Variants in RIMS2 observed in about 807,000 individuals in gnomAD.
RIMS2 encodes the protein regulating synaptic membrane exocytosis 2.
Under a neutral mutation model 174.4 loss-of-function variants are expected in RIMS2, and 59 were observed. The ratio of observed to expected loss-of-function variants is 0.34; its 90% confidence interval spans 0.27 to 0.42. The LOEUF (loss-of-function observed/expected upper bound fraction) is 0.42, where lower values mean the gene tolerates loss of function less well. Among genes scored for constraint, RIMS2 ranks in the 10% least tolerant of loss-of-function variants. RIMS2 has a pLI of 1.00. For missense variants in RIMS2, 1,620 were observed against 1,666.3 expected (o/e 0.97, Z 0.48); for synonymous variants, 606 against 572.5 (o/e 1.06, Z -0.84).
intron 1 of RIMS2, among the ~76,000 whole-genome samples, chr8:103,563,591 C>G (rs574749137): frequency 1.3e-4 from 20 of 152,242 alleles, no homozygotes; most frequent in African/African-American, 4.8e-4. Flanking sequence ...TCTTTCTTCT[C>G]CTGAGCCCTC....
At chr8:103,653,267 C>T (rs2096482950) in intron 1 of RIMS2, among the ~76,000 whole-genome samples, 1 of 152,146 alleles carries the variant, frequency 6.6e-6, no homozygotes, top group Non-Finnish European at 1.5e-5. Context: ...AATATATTCT[C>T]ACACTGACCT....
chr8:103,578,765 G>C (rs1437732602), intron 1 of RIMS2, among the ~76,000 whole-genome samples: 2 of 152,054 alleles, frequency 1.3e-5, no homozygotes, highest in South Asian at 4.2e-4. Flanking sequence ...ACTTTGGGAG[G>C]CCAAGGCAGG....
At chr8:103,894,593 A>T (rs2099266574) in intron 4 of RIMS2, among the ~76,000 whole-genome samples, 1 of 151,664 alleles carries the variant, frequency 6.6e-6, no homozygotes, top group South Asian at 2.1e-4. Context: ...ATTTTTGAAG[A>T]TCAAATACCT....
intron 3 of RIMS2, among the ~76,000 whole-genome samples, chr8:103,790,491 T>C (rs2098486544): frequency 6.6e-6 from 1 of 152,252 alleles, no homozygotes; most frequent in Non-Finnish European, 1.5e-5. Flanking sequence ...ATTTCTTTTA[T>C]TCATCAGTTG....
At chr8:104,175,662 T>C (rs964557719) in intron 19 of RIMS2, among the ~76,000 whole-genome samples, 4 of 152,050 alleles carry the variant, frequency 2.6e-5, no homozygotes, top group African/African-American at 4.8e-5. Flanking sequence ...CCAAACCACA[T>C]TGAAACTTAC....
At chr8:103,726,065 T>A (rs1378234553) in intron 2 of RIMS2, among the ~76,000 whole-genome samples, 2 of 152,204 alleles carry the variant, frequency 1.3e-5, no homozygotes, top group Non-Finnish European at 2.9e-5. Flanking sequence ...TGAACAAATA[T>A]CATATATAGA....
At chr8:104,178,019 ACT>A (rs1266730778) in intron 19 of RIMS2, among the ~76,000 whole-genome samples, 1 of 152,018 alleles carries the variant, frequency 6.6e-6, no homozygotes, top group African/African-American at 2.4e-5. Context: ...AGTCTAGGAG[ACT>A]CTGAGTTTTC....
intron 1 of RIMS2, among the ~76,000 whole-genome samples, chr8:103,517,424 A>C (rs1411944373): frequency 6.6e-6 from 1 of 152,186 alleles, no homozygotes; most frequent in Non-Finnish European, 1.5e-5. Flanking sequence ...GAGTGGTGGA[A>C]GGTGAAGCTA....
chr8:103,694,671 G>A (rs28772965), intron 1 of RIMS2, among the ~76,000 whole-genome samples: 26,730 of 152,070 alleles, frequency 0.18, 2,552 homozygotes, highest in African/African-American at 0.23. Flanking sequence ...TGGGCTACGG[G>A]GGCTGGTTTG....
At chr8:103,669,284 C>A (rs543833119) in intron 1 of RIMS2, among the ~76,000 whole-genome samples, 189 of 152,250 alleles carry the variant, frequency 1.2e-3, no homozygotes, top group African/African-American at 4.3e-3. Context: ...GTTGTCTCCC[C>A]CTGGGTTCTT....
intron 1 of RIMS2, among the ~76,000 whole-genome samples, chr8:103,555,010 T>A (rs13249922): frequency 0.18 from 27,680 of 152,014 alleles, 2,761 homozygotes; most frequent in African/African-American, 0.26. Context: ...GAAGGGAATA[T>A]CAGACATCAG....
chr8:104,223,826 C>CT, intron 19 of RIMS2: 1 of 1,569,774 alleles, frequency 6.4e-7, no homozygotes, highest in Non-Finnish European at 8.6e-7. Flanking sequence ...GTTGGTGTCT[C>CT]TATCTGTTTA....
At chr8:103,940,266 T>C (rs2154537493) in intron 13 of RIMS2, among the ~76,000 whole-genome samples, 1 of 152,260 alleles carries the variant, frequency 6.6e-6, no homozygotes, top group Non-Finnish European at 1.5e-5. Flanking sequence ...GAGGAGCAAG[T>C]CATGTCTTAC....
chr8:103,904,916 G>GT (rs372932899), intron 4 of RIMS2, among the ~76,000 whole-genome samples: 71 of 151,734 alleles, frequency 4.7e-4, no homozygotes, highest in African/African-American at 1.2e-3. Flanking sequence ...CTTTTTGTAG[G>GT]TTTTTTTGTG....
At chr8:103,921,866 A>C in intron 10 of RIMS2, 82 bp downstream of exon 13, 1 of 600,372 alleles carries the variant, frequency 1.7e-6, no homozygotes, top group Non-Finnish European at 3.0e-6. Flanking sequence ...TTACAAACCA[A>C]GTTATTCCTA....
intron 1 of RIMS2, among the ~76,000 whole-genome samples, chr8:103,613,881 C>T (rs925517867): frequency 1.3e-5 from 2 of 152,204 alleles, no homozygotes; most frequent in African/African-American, 4.8e-5. Context: ...TTTCAGTGCC[C>T]TGTCCTGCTG....
intron 19 of RIMS2, among the ~76,000 whole-genome samples, chr8:104,079,418 T>C (rs970001056): frequency 1.3e-5 from 2 of 151,470 alleles, no homozygotes; most frequent in Admixed American, 1.3e-4. Context: ...GGCTCCAGAG[T>C]TGCTAGCTTG....
intron 19 of RIMS2, among the ~76,000 whole-genome samples, chr8:104,106,527 G>A (rs1232163907): frequency 9.9e-5 from 15 of 151,934 alleles, no homozygotes; most frequent in Admixed American, 9.8e-4. Context: ...CTATTAACTT[G>A]TCTGCTATAG....
chr8:103,873,694 G>A (rs553309711), intron 3 of RIMS2, among the ~76,000 whole-genome samples: 4 of 152,072 alleles, frequency 2.6e-5, no homozygotes, highest in Admixed American at 6.6e-5. Flanking sequence ...TTTAATCTCA[G>A]GAAAGATTTT....
Sources: gnomAD v4.1 joint callset for allele counts (sites outside exome capture counted in the v4.1 genomes callset) on GRCh38, gnomAD v4.1.1 for gene constraint, MANE v1.5 for transcripts, NCBI Gene and HGNC (gene_info 2026-07-23, HGNC 2026-07-21) for gene names.